The following MMP19 variants were observed in gnomAD, a reference collection of about 807,000 sequenced individuals.
The protein encoded by MMP19 is matrix metalloproteinase-19.
In MMP19, 47 loss-of-function variants were observed where a neutral mutation model predicts 46.6. The ratio of observed to expected loss-of-function variants is 1.01; its 90% confidence interval spans 0.80 to 1.29. The LOEUF is 1.29. Ranked by LOEUF, MMP19 falls within the 50% of genes most tolerant of loss-of-function variation. MMP19 has a pLI of 0.00. For synonymous variants in MMP19, 222 were observed against 248.5 expected (o/e 0.89, Z 1.00); for missense variants, 589 against 643.5 (o/e 0.92, Z 0.92).
At position 55,836,884 on chromosome 12, in the gene MMP19, G is replaced by A. The variant is rs980822619; in HGVS notation, c.*152C>T. ...GAAGTGTTAGAGGCCTGAGATCTAC[G>A]GTCTTGCGCCTGCTACAGCACCTGC... is the stretch of plus-strand genomic sequence containing the variant. On this transcript the variant is annotated 3_prime_UTR_variant, in exon 9 of 9. Coordinates refer to ENST00000322569, the MANE Select transcript of MMP19 (RefSeq NM_002429.6). 50 of 675,064 alleles carry A rather than the reference G, an allele frequency of 7.4e-5. No individual in the cohort carries two copies. Among genetic ancestry groups the A allele is most frequent in the African/African-American group, 3.1e-4 (17 of 55,596 alleles). 41.8% of individuals were successfully genotyped at this position (675,064 alleles called of 1,614,324 possible).
At position 55,839,800 on chromosome 12, in the gene MMP19, C is replaced by G; in HGVS notation, c.521-59G>C. Reference sequence around the variant, plus strand: ...CAGAGCCCGCTAGGCTAGAGCACACCCTGCCTATTATAAACTCTAATTAAT... The same window carrying G: ...CAGAGCCCGCTAGGCTAGAGCACACGCTGCCTATTATAAACTCTAATTAAT... On this transcript the variant is annotated intron_variant, in intron 4 of 8. Coordinates refer to ENST00000322569, the MANE Select transcript of MMP19 (RefSeq NM_002429.6). The G allele has an allele frequency of 1.9e-6, 3 of 1,541,926 alleles. No individual in the cohort carries two copies. In the South Asian group the frequency reaches 3.6e-5, roughly 18 times the overall value.
Position 55,837,906 on chromosome 12 carries a change from G to T in MMP19, c.997C>A (p.Leu333Ile). ...LFRVSALWEG[L>I]PGNLDAAVYS... ...ACAGCAGCATCCAGGTTTCCGGGGA[G>T]CCCCTCCCAAAGGGCAGACACTCGG... is the stretch of plus-strand genomic sequence containing the variant. Residue 333 changes from leucine to isoleucine, a missense_variant, in exon 7 of 9, where the codon CTC becomes ATC. Coordinates refer to ENST00000322569, the MANE Select transcript of MMP19 (RefSeq NM_002429.6). 6.2e-7 allele frequency: 1 copy of T among 1,613,320 alleles called. No individual in the cohort carries two copies. The highest frequency in any genetic ancestry group is 8.5e-7 in the Non-Finnish European group (1 of 1,179,344).
Position 55,837,667 on chromosome 12 carries a change from C to A in MMP19, c.1076G>T (p.Arg359Leu), listed in dbSNP as rs779486182. 1.3e-5 allele frequency: 21 copies of A among 1,614,036 alleles called. No individual in the cohort carries two copies. In the East Asian group the frequency reaches 4.2e-4, roughly 33 times the overall value. ...IHFFKGDKVW[R>L]YINFKMSPGF... Reference sequence around the variant, plus strand: ...AGGAGACATCTTGAAATTAATGTAGCGCCACACCTTGTCTCCTGAGAGCAT... The same window carrying A: ...AGGAGACATCTTGAAATTAATGTAGAGCCACACCTTGTCTCCTGAGAGCAT... Residue 359 changes from arginine (R) to leucine (L), a missense_variant, in exon 8 of 9, where the codon CGC becomes CTC. Coordinates refer to ENST00000322569, the MANE Select transcript of MMP19 (RefSeq NM_002429.6).
chr12:55,838,094 G>C, intron 6 of MMP19, 87 bp from the exon 7 acceptor site: 1 of 1,286,030 alleles, frequency 7.8e-7, no homozygotes. Context: ...CTAACAATTT[G>C]CCCTCTCCCT....
In MMP19 at chr12:55,836,787, AAGTTAGGGGATCTG is replaced by A. The variant is rs1437459197; in HGVS notation, c.*235_*248del. 1 of 346,772 alleles carries A rather than the reference AAGTTAGGGGATCTG, an allele frequency of 2.9e-6. No homozygotes were observed. Among genetic ancestry groups the A allele is most frequent in the East Asian group, 5.0e-5 (1 of 19,816 alleles). 21.5% of individuals were successfully genotyped at this position (346,772 alleles called of 1,614,324 possible). A position where few individuals can be genotyped will look rare whatever the true frequency, so the allele number is the denominator to read the frequency against. Reference sequence around the variant, plus strand: ...GGAAATGGAGTTGGGGGCCAAATCTAAGTTAGGGGATCTGAGTTAGGGGAGCACTTCTCAGGAGT... The same window carrying A: ...GGAAATGGAGTTGGGGGCCAAATCTAAGTTAGGGGAGCACTTCTCAGGAGT... On this transcript the variant is annotated 3_prime_UTR_variant, in exon 9 of 9. Transcript: ENST00000322569.
intron 4 of MMP19, 86 bp from the exon 5 acceptor site, chr12:55,839,827 C>T (rs527291534): frequency 1.4e-6 from 2 of 1,464,964 alleles, no homozygotes; most frequent in African/African-American, 2.8e-5. Flanking sequence ...CTAATTAATG[C>T]ATACCTTTAA....
intron 3 of MMP19, 104 bp from the exon 4 acceptor site, chr12:55,840,986 G>C: frequency 6.5e-7 from 1 of 1,538,868 alleles, no homozygotes; most frequent in Non-Finnish European, 8.8e-7. Flanking sequence ...GTGACAACCA[G>C]GTAATCACCA....
Position 55,837,072 on chromosome 12 carries a change from G to A in MMP19, c.1491C>T (p.Thr497=). ...TPSGTGITLD[T]TLSATETTFE... is the part of the protein sequence containing the mutation. ...ACGTGGTTTCTGTGGCTGAGAGAGTGGTATCCAAGGTTATGCCCGTACCTG... is the reference window on the plus strand; with the variant it reads ...ACGTGGTTTCTGTGGCTGAGAGAGTAGTATCCAAGGTTATGCCCGTACCTG... The change falls in exon 9 of 9, where the codon ACC becomes ACT. Residue 497 remains threonine (T), a synonymous_variant. Coordinates refer to ENST00000322569, the MANE Select transcript of MMP19 (RefSeq NM_002429.6). 6.3e-7 allele frequency: 1 copy of A among 1,588,182 alleles called. No individual in the cohort carries two copies. The highest frequency in any genetic ancestry group is 1.7e-4 in the Middle Eastern group (1 of 5,934).
intron 5 of MMP19, among the ~76,000 whole-genome samples, chr12:55,838,964 G>A (rs1472563557): frequency 1.3e-5 from 2 of 152,192 alleles, no homozygotes; most frequent in Admixed American, 1.3e-4. Flanking sequence ...TTCTTGCCGG[G>A]TGTGGTGGCT....
Position 55,836,178 on chromosome 12 carries a change from G to A in MMP19, c.*858C>T, listed in dbSNP as rs1297774723. 6.6e-6 allele frequency: 1 copy of A among 152,194 alleles called. No homozygotes were observed. The highest frequency in any genetic ancestry group is 1.5e-5 in the Non-Finnish European group (1 of 68,044). 9.4% of individuals were successfully genotyped at this position (152,194 alleles called of 1,614,324 possible). On this transcript the variant is annotated 3_prime_UTR_variant, in exon 9 of 9. Coordinates refer to ENST00000322569, the MANE Select transcript of MMP19 (RefSeq NM_002429.6). ...AAAGGAAGACATATCCCTCCCCTGG[G>A]CAGCAAGGCTACAATGGGAGGGAGG...
rs1881253180 is a variant in MMP19, at chr12:55,836,923, G to A, written c.*113C>T. Reference sequence around the variant, plus strand: ...TACAGCACCTGCAAGGTTCTACTGAGCAGACAGGTATTTCATTCAGCTATT... The same window carrying A: ...TACAGCACCTGCAAGGTTCTACTGAACAGACAGGTATTTCATTCAGCTATT... On this transcript the variant is annotated 3_prime_UTR_variant, in exon 9 of 9. Transcript: ENST00000322569. 8.9e-6 allele frequency: 9 copies of A among 1,006,182 alleles called. No homozygotes were observed. In the East Asian group the frequency reaches 1.9e-4, roughly 22 times the overall value. The allele number at this position is 1,006,182 out of a possible 1,614,324, so 62.3% of individuals were successfully genotyped here. A position where few individuals can be genotyped will look rare whatever the true frequency, so the allele number is the denominator to read the frequency against.
intron 6 of MMP19, 167 bp from the exon 7 acceptor site, chr12:55,838,174 T>TA (rs1881399357): frequency 1.4e-6 from 1 of 694,644 alleles, no homozygotes; most frequent in Non-Finnish European, 2.3e-6. Flanking sequence ...CAAAGAGGAC[T>TA]CAGAATGCTT....
chr12:55,840,101 G>A (rs1025252144), intron 4 of MMP19: 5 of 232,990 alleles, frequency 2.1e-5, no homozygotes, highest in East Asian at 1.0e-4. Context: ...CAAGGCAGGA[G>A]GATTGCTTGA....
chr12:55,839,539 A>C lies in MMP19; in HGVS notation c.723T>G (p.Phe241Leu). 1.2e-6 allele frequency: 2 copies of C among 1,613,598 alleles called. No homozygotes were observed. Among genetic ancestry groups the C allele is most frequent in the Non-Finnish European group, 1.7e-6 (2 of 1,179,526 alleles). The change falls in exon 5 of 9, where the codon TTT becomes TTG. Residue 241 changes from phenylalanine (F) to leucine (L), a missense_variant. By Grantham distance (22) the Phe-to-Leu change is conservative. Coordinates refer to ENST00000322569, the MANE Select transcript of MMP19 (RefSeq NM_002429.6). ...CTGCCACATCATCTGGGTGCAGCTT[A>C]AAGTGGGGCCGGTAGCCCTCGTAGA... ...APVYEGYRPHFKLHPDDVAGI... is the reference protein window; with the variant it reads ...APVYEGYRPHLKLHPDDVAGI...
chr12:55,840,620 G>T, intron 4 of MMP19, 47 bp downstream of exon 4: 1 of 1,552,884 alleles, frequency 6.4e-7, no homozygotes, highest in Non-Finnish European at 8.8e-7. Flanking sequence ...AGGAGACAGA[G>T]GTAATCTCAG....
chr12:55,841,097 TG>T lies in MMP19; in HGVS notation c.304+8del. On this transcript the variant is annotated splice_region_variant and intron_variant, in intron 3 of 8. Coordinates refer to ENST00000322569, the MANE Select transcript of MMP19 (RefSeq NM_002429.6). ...TCCTCTCCCTCTCTTTTCCAGGCTC[TG>T]TTCTCACCCAGCAACAGGTATTTAA... The T allele has an allele frequency of 6.2e-7, 1 of 1,609,780 alleles. No individual in the cohort carries two copies. The highest frequency in any genetic ancestry group is 8.5e-7 in the Non-Finnish European group (1 of 1,177,538).
Position 55,842,896 on chromosome 12 carries a change from G to A in MMP19, c.-66C>T. 3.0e-6 allele frequency: 4 copies of A among 1,313,492 alleles called. No homozygotes were observed. The South Asian group carries it at 3.8e-5, about 12-fold the overall frequency. The allele number at this position is 1,313,492 out of a possible 1,614,324, so 81.4% of individuals were successfully genotyped here. The stretch of plus-strand genomic sequence containing the variant: ...TGACCTGAGATTTCTGGGAGCCTTG[G>A]GGGAGCAGTGCTAGGCAGAGGGGCT... On this transcript the variant is annotated 5_prime_UTR_variant, in exon 1 of 9. Transcript: ENST00000322569.
intron 5 of MMP19, among the ~76,000 whole-genome samples, chr12:55,839,172 G>A (rs1425969970): frequency 2.0e-5 from 3 of 151,384 alleles, no homozygotes; most frequent in African/African-American, 7.3e-5. Context: ...AACCCGGGAG[G>A]CGGAGGTTGC....
intron 4 of MMP19, chr12:55,840,082 T>G: frequency 4.0e-6 from 1 of 248,282 alleles, no homozygotes; most frequent in Non-Finnish European, 7.8e-6. Flanking sequence ...TCCCAACACT[T>G]TCAGAGGCCA....
Sources: gnomAD v4.1 joint callset for allele counts (sites outside exome capture counted in the v4.1 genomes callset) on GRCh38, gnomAD v4.1.1 for gene constraint, MANE v1.5 for transcripts, NCBI Gene and HGNC (gene_info 2026-07-23, HGNC 2026-07-21) for gene names.